Variants in CDH23 observed in about 807,000 individuals in gnomAD.
CDH23 encodes the protein cadherin-23.
In CDH23, 189 loss-of-function variants were observed where a neutral mutation model predicts 317.1. The observed-to-expected ratio is 0.60, with a 90% CI of 0.53 to 0.67. The LOEUF (loss-of-function observed/expected upper bound fraction) is 0.67, where lower values mean the gene tolerates loss of function less well. Ranked by LOEUF, CDH23 falls within the 30% of genes least tolerant of loss-of-function variation. CDH23 has a pLI of 0.00. For synonymous variants in CDH23, 1,839 were observed against 1,876.8 expected (o/e 0.98, Z 0.52); for missense variants, 4,401 against 4,592.4 (o/e 0.96, Z 1.20).
At chr10:71,584,495 A>T (rs1858894552) in intron 9 of CDH23, among the ~76,000 whole-genome samples, 1 of 151,874 alleles carries the variant, frequency 6.6e-6, no homozygotes, top group Non-Finnish European at 1.5e-5. Flanking sequence ...AGTGCTTTAA[A>T]ATATACTGAA....
chr10:71,741,616 T>C, intron 37 of CDH23, 78 bp from the exon 38 acceptor site: 1 of 1,279,240 alleles, frequency 7.8e-7, no homozygotes, highest in Non-Finnish European at 1.1e-6. Context: ...GGGGGAGCCT[T>C]CGGGCTACAG....
intron 1 of CDH23, among the ~76,000 whole-genome samples, chr10:71,403,454 T>TTCCTTCCC (rs1227991708): frequency 8.5e-5 from 3 of 35,256 alleles, no homozygotes; most frequent in Non-Finnish European, 8.7e-5. Context: ...CCTTCCTTCC[T>TTCCTTCCC]TTCCTTCCTT....
intron 9 of CDH23, among the ~76,000 whole-genome samples, chr10:71,589,331 G>T (rs1859303303): frequency 6.6e-6 from 1 of 152,148 alleles, no homozygotes; most frequent in Non-Finnish European, 1.5e-5. Flanking sequence ...TATTGGCCAG[G>T]CTGGTTTTGA....
At chr10:71,460,371 C>T (rs1298361439) in intron 3 of CDH23, among the ~76,000 whole-genome samples, 4 of 152,380 alleles carry the variant, frequency 2.6e-5, no homozygotes, top group East Asian at 1.9e-4. Flanking sequence ...GTCACAGCAC[C>T]GCCTGTGGGC....
Position 71,510,971 on chromosome 10 carries a change from C to T in CDH23, c.306C>T (p.Thr102=), listed in dbSNP as rs774465287. The change falls in exon 5 of 70, where the codon ACC becomes ACT. Residue 102 remains threonine (T), a synonymous_variant. Transcript: ENST00000224721. ...PLDRETKSEF[T]VEFSVSDHQG... is the part of the protein sequence containing the mutation. ...TCTTTCAGACCAAGTCAGAGTTCAC[C>T]GTGGAGTTCTCTGTCAGCGACCACC... 8.7e-6 allele frequency: 14 copies of T among 1,613,818 alleles called. No homozygotes were observed. Among genetic ancestry groups the T allele is most frequent in the East Asian group, 2.2e-5 (1 of 44,888 alleles).
At chr10:71,654,196 G>A (rs78299705) in intron 14 of CDH23, among the ~76,000 whole-genome samples, 194 of 152,280 alleles carry the variant, frequency 1.3e-3, no homozygotes, top group African/African-American at 4.5e-3. Flanking sequence ...ACATGGACTC[G>A]GAAGGGCCCC....
intron 8 of CDH23, among the ~76,000 whole-genome samples, chr10:71,574,055 G>C (rs890523895): frequency 6.6e-6 from 1 of 152,022 alleles, no homozygotes; most frequent in Non-Finnish European, 1.5e-5. Flanking sequence ...TTCCCAGGCC[G>C]GGCCCAGGCT....
rs1857435653 is a variant in CDH23 at position 71,566,872 on chromosome 10, T to C, written c.560T>C (p.Val187Ala). ...FFAIDSARGI[V>A]TVIRELDYET... ...GCCATTGACAGCGCCCGCGGTATCG[T>C]CACAGTGATCCGGGAGCTGGACTAC... Residue 187 changes from valine (V) to alanine (A), a missense_variant, in exon 7 of 70, where the codon GTC (valine) becomes GCC (alanine). Around this residue, in one of 3 missense-constraint regions of CDH23, gnomAD observed 3,068 missense variants for 3,203.3 expected, o/e 0.96. Transcript: ENST00000224721. The C allele has an allele frequency of 6.2e-7, 1 of 1,613,788 alleles. No individual in the cohort carries two copies. The highest frequency in any genetic ancestry group is 1.3e-5 in the African/African-American group (1 of 74,922).
intron 3 of CDH23, among the ~76,000 whole-genome samples, chr10:71,450,449 G>A (rs546803000): frequency 1.3e-5 from 2 of 151,878 alleles, no homozygotes; most frequent in Non-Finnish European, 2.9e-5. Context: ...TATGTTTTTA[G>A]TAGAGACGGG....
At chr10:71,466,422 G>C (rs936492332) in intron 3 of CDH23, among the ~76,000 whole-genome samples, 4 of 152,108 alleles carry the variant, frequency 2.6e-5, no homozygotes, top group Non-Finnish European at 4.4e-5. Context: ...CTGTGTGTGT[G>C]AGCCCCTGCC....
chr10:71,499,569 G>A (rs375699393), intron 3 of CDH23, among the ~76,000 whole-genome samples: 126 of 141,280 alleles, frequency 8.9e-4, no homozygotes, highest in Admixed American at 5.4e-3. Context: ...GCCAGGTGCC[G>A]TGGCTCACGC....
At chr10:71,796,914 TG>T in intron 48 of CDH23, 189 bp from the exon 49 acceptor site, 1 of 538,332 alleles carries the variant, frequency 1.9e-6, no homozygotes, top group Non-Finnish European at 3.4e-6. Flanking sequence ...GTAAGCATCA[TG>T]GGAGGGGCAG....
intron 10 of CDH23, among the ~76,000 whole-genome samples, chr10:71,616,103 C>T (rs1861174065): frequency 6.6e-6 from 1 of 152,254 alleles, no homozygotes; most frequent in African/African-American, 2.4e-5. Flanking sequence ...GGCAGAGCTA[C>T]AGTCCCGCAC....
intron 38 of CDH23, chr10:71,761,950 G>A (rs1840401721): frequency 6.2e-7 from 1 of 1,614,012 alleles, no homozygotes; most frequent in Non-Finnish European, 8.5e-7. Context: ...AGAGCCTGCA[G>A]GTGAGGGTGA....
intron 1 of CDH23, among the ~76,000 whole-genome samples, chr10:71,402,722 TGTGTGTGTGTG>T (rs1309350965): frequency 9.6e-6 from 1 of 103,772 alleles, no homozygotes; most frequent in Non-Finnish European, 2.2e-5. Context: ...TGTGTGTGTG[TGTGTGTGTGTG>T]TGTGTGTGTG....
chr10:71,554,061 C>T lies in CDH23; in HGVS notation c.430-12681C>T, dbSNP rs918157332. Reference sequence around the variant, plus strand: ...ATTTCCACCTTAACCCTTACACAGCCCCGTGAGGTAATAGCATTATGACAG... The same window carrying T: ...ATTTCCACCTTAACCCTTACACAGCTCCGTGAGGTAATAGCATTATGACAG... On this transcript the variant is annotated intron_variant, in intron 6 of 69. Transcript: ENST00000224721. 2.6e-5 allele frequency among the ~76,000 whole-genome samples: 4 copies of T among 152,240 alleles called. No homozygotes were observed. In the East Asian group the frequency reaches 5.8e-4, roughly 22 times the overall value.
chr10:71,734,638 T>C lies in CDH23; in HGVS notation c.4207-18T>C, dbSNP rs77770890. On this transcript the variant is annotated intron_variant, in intron 33 of 69. Coordinates refer to ENST00000224721, the MANE Select transcript of CDH23 (RefSeq NM_022124.6). Reference sequence around the variant, plus strand: ...GCCTTTTCTCTCACTCCCCTCCTGCTGCTGCCTCTGCCTACAGAAGGTGAG... The same window carrying C: ...GCCTTTTCTCTCACTCCCCTCCTGCCGCTGCCTCTGCCTACAGAAGGTGAG... The C allele has an allele frequency of 0.021, 31,565 of 1,500,316 alleles. 407 individuals are homozygous for C. The highest frequency in any genetic ancestry group is 0.025 in the Non-Finnish European group (27,822 of 1,107,400). 92.9% of individuals were successfully genotyped at this position (1,500,316 alleles called of 1,614,324 possible). A position where few individuals can be genotyped will look rare whatever the true frequency, so the allele number is the denominator to read the frequency against.
At chr10:71,638,489 A>G (rs892960655) in intron 11 of CDH23, among the ~76,000 whole-genome samples, 1 of 152,220 alleles carries the variant, frequency 6.6e-6, no homozygotes, top group East Asian at 1.9e-4. Context: ...GGCCCAGGCC[A>G]CCTGCAGCGG....
At chr10:71,813,599 G>C (rs1842017403) in intron 69 of CDH23, among the ~76,000 whole-genome samples, 1 of 152,114 alleles carries the variant, frequency 6.6e-6, no homozygotes, top group South Asian at 2.1e-4. Flanking sequence ...ACATACCTTT[G>C]GGGGTGATGT....
Sources: allele counts gnomAD v4.1 joint callset (sites outside exome capture counted in the v4.1 genomes callset), GRCh38; gene constraint gnomAD v4.1.1; regional missense constraint gnomAD v4.1.1; transcripts MANE v1.5; gene names NCBI Gene and HGNC (gene_info 2026-07-23, HGNC 2026-07-21).